The following TMEM165 variants were observed in gnomAD, a reference collection of about 807,000 sequenced individuals.
The protein encoded by TMEM165 is putative divalent cation/proton antiporter TMEM165.
A neutral mutation model predicts 30.0 loss-of-function variants in TMEM165; 19 were observed. The observed-to-expected ratio is 0.63, with a 90% CI of 0.44 to 0.93. TMEM165 has a LOEUF of 0.93. Among genes scored for constraint, TMEM165 ranks in the 40% least tolerant of loss-of-function variants. The pLI is 0.00. For synonymous variants in TMEM165, 168 were observed against 162.9 expected, an observed-to-expected ratio of 1.03 and a Z score of -0.24; for missense variants, 340 against 417.0, an observed-to-expected ratio of 0.82 and a Z score of 1.61.
chr4:55,397,050 T>C (rs1352710062), intron 1 of TMEM165: 2 of 152,174 alleles, frequency 1.3e-5, no homozygotes, highest in African/African-American at 2.4e-5. Flanking sequence ...AGAAATCAAC[T>C]TTTTAATCTG....
At chr4:55,408,741 T>G (rs1365102033) in intron 1 of TMEM165, among the ~76,000 whole-genome samples, 10 of 152,208 alleles carry the variant, frequency 6.6e-5, no homozygotes, top group Non-Finnish European at 1.5e-5. Flanking sequence ...CTTTGATCAC[T>G]ATTGTGTTTG....
intron 3 of TMEM165, chr4:55,448,774 A>G: frequency 1.2e-6 from 2 of 1,612,482 alleles, no homozygotes; most frequent in Non-Finnish European, 1.7e-6. Context: ...AAAACCAAAA[A>G]GTACCTGGGA....
At chr4:55,400,803 C>T (rs1720968736) in intron 1 of TMEM165, among the ~76,000 whole-genome samples, 2 of 150,452 alleles carry the variant, frequency 1.3e-5, no homozygotes, top group African/African-American at 5.0e-5. Context: ...ACTCACTATG[C>T]TGAAAGATTT....
chr4:55,405,170 A>C (rs567688609), intron 1 of TMEM165, among the ~76,000 whole-genome samples: 5 of 152,234 alleles, frequency 3.3e-5, no homozygotes, highest in African/African-American at 1.2e-4. Context: ...TTAGCTGATA[A>C]ATTTGGGCTG....
chr4:55,415,620 ACATACATATATACAAATATACATC>A (rs1721690796), intron 2 of TMEM165: 2 of 152,206 alleles, frequency 1.3e-5, no homozygotes, highest in Admixed American at 6.5e-5. Context: ...CTGTGTGTAC[ACATACATATATACAAATATACATC>A]CATACATATA....
chr4:55,408,811 A>G (rs1457922332), intron 1 of TMEM165, among the ~76,000 whole-genome samples: 1 of 152,100 alleles, frequency 6.6e-6, no homozygotes, highest in Non-Finnish European at 1.5e-5. Flanking sequence ...AATGGTGTAT[A>G]TTTATTCCTA....
chr4:55,427,052 T>TGAG (rs879709464), downstream of TMEM165, among the ~76,000 whole-genome samples: 2 of 98,928 alleles, frequency 2.0e-5, no homozygotes, highest in South Asian at 3.5e-4. Context: ...TTTTTTTTTT[T>TGAG]TGAGAGAGTC....
intron 3 of TMEM165, chr4:55,448,665 G>GT: frequency 1.6e-6 from 1 of 619,026 alleles, no homozygotes; most frequent in Non-Finnish European, 2.9e-6. Flanking sequence ...AGCCTCCCAA[G>GT]TAGCTGTGGC....
intron 4 of TMEM165, among the ~76,000 whole-genome samples, chr4:55,421,285 T>TTTTC (rs1454713331): frequency 1.3e-5 from 2 of 149,458 alleles, no homozygotes; most frequent in Admixed American, 6.6e-5. Context: ...TTTTTAAATA[T>TTTTC]TTTCTTTCTT....
At chr4:55,410,152 CT>C (rs1721429870) in intron 1 of TMEM165, among the ~76,000 whole-genome samples, 1 of 151,944 alleles carries the variant, frequency 6.6e-6, no homozygotes, top group African/African-American at 2.4e-5. Flanking sequence ...TGTAAAAAAC[CT>C]TTTTTTGCTC....
intron 3 of TMEM165, chr4:55,449,400 C>T: frequency 6.2e-7 from 1 of 1,612,888 alleles, no homozygotes; most frequent in Non-Finnish European, 8.5e-7. Flanking sequence ...GCTTACCTGA[C>T]TACTAAATGA....
At chr4:55,408,480 C>T (rs764769634) in intron 1 of TMEM165, among the ~76,000 whole-genome samples, 1 of 152,054 alleles carries the variant, frequency 6.6e-6, no homozygotes, top group Non-Finnish European at 1.5e-5. Flanking sequence ...ATATTAAATA[C>T]TGTAGGCAGT....
At chr4:55,429,906 A>G (rs1347306644), downstream of TMEM165, 1 of 152,222 alleles carries the variant, frequency 6.6e-6, no homozygotes, top group Non-Finnish European at 1.5e-5. Flanking sequence ...GAAGTAAAGT[A>G]GATTCAGACT....
chr4:55,408,424 G>T (rs563370864), intron 1 of TMEM165, among the ~76,000 whole-genome samples: 1 of 152,194 alleles, frequency 6.6e-6, no homozygotes, highest in East Asian at 1.9e-4. Flanking sequence ...AGGCTAAATG[G>T]TATAGCCTAT....
chr4:55,435,912 C>T (rs1474271), intron 3 of TMEM165, among the ~76,000 whole-genome samples: 51,365 of 152,028 alleles, frequency 0.34, 9,372 homozygotes, highest in East Asian at 0.58. Flanking sequence ...TTTTAAATTA[C>T]AAAATTTGAG....
chr4:55,417,335 G>A (rs1721777328), intron 3 of TMEM165, 88 bp downstream of exon 3: 2 of 1,301,254 alleles, frequency 1.5e-6, no homozygotes, highest in Non-Finnish European at 2.1e-6. Context: ...CCCCATCTGT[G>A]TGATATGCGG....
At chr4:55,430,594 T>C (rs1722432884), downstream of TMEM165, 1 of 152,212 alleles carries the variant, frequency 6.6e-6, no homozygotes, top group Non-Finnish European at 1.5e-5. Context: ...TTAACCAAAG[T>C]ATTCTTTTTC....
intron 3 of TMEM165, among the ~76,000 whole-genome samples, chr4:55,451,097 C>G (rs1350203061): frequency 1.3e-5 from 2 of 151,944 alleles, no homozygotes; most frequent in African/African-American, 4.8e-5. Flanking sequence ...ACCACTGCCC[C>G]ATTTCTCTTC....
At chr4:55,418,059 C>T in intron 4 of TMEM165, 74 bp downstream of exon 4, 1 of 1,370,242 alleles carries the variant, frequency 7.3e-7, no homozygotes, top group Non-Finnish European at 1.0e-6. Context: ...AAACACTGGA[C>T]ACACTGAAGT....
Sources: gnomAD v4.1 joint callset for allele counts (sites outside exome capture counted in the v4.1 genomes callset) on GRCh38, gnomAD v4.1.1 for gene constraint, MANE v1.5 for transcripts, NCBI Gene and HGNC (gene_info 2026-07-23, HGNC 2026-07-21) for gene names.